The following RBFOX1 variants were observed in gnomAD, a reference collection of about 807,000 sequenced individuals.
The protein encoded by RBFOX1 is RNA binding fox-1 homolog 1, also known as RNA binding protein fox-1 homolog 1.
A neutral mutation model predicts 57.7 loss-of-function variants in RBFOX1; 8 were observed. The observed-to-expected ratio is 0.14, with a 90% CI of 0.08 to 0.25. The LOEUF (loss-of-function observed/expected upper bound fraction) is 0.25, where lower values mean the gene tolerates loss of function less well. Ranked by LOEUF, RBFOX1 falls within the 10% of genes least tolerant of loss-of-function variation. The pLI, the probability that RBFOX1 is intolerant of heterozygous loss-of-function variation, is 1.00. For missense variants in RBFOX1, 611 were observed against 548.5 expected, an observed-to-expected ratio of 1.11 and a Z score of -1.14; for synonymous variants, 326 against 222.4, an observed-to-expected ratio of 1.47 and a Z score of -4.15.
chr16:5,431,501 A>C (rs492714), intron 1 of RBFOX1, among the ~76,000 whole-genome samples: 81,691 of 151,270 alleles, frequency 0.54, 22,275 homozygotes, highest in East Asian at 0.67. Flanking sequence ...CAGACTCCTG[A>C]GTGGCTGGGA....
At chr16:7,529,473 G>C (rs1003734028) in intron 5 of RBFOX1, among the ~76,000 whole-genome samples, 1 of 152,164 alleles carries the variant, frequency 6.6e-6, no homozygotes, top group African/African-American at 2.4e-5. Flanking sequence ...CAAATTTCCT[G>C]TCCACAGGAT....
At chr16:6,321,497 G>C (rs1471718109) in intron 2 of RBFOX1, among the ~76,000 whole-genome samples, 1 of 152,140 alleles carries the variant, frequency 6.6e-6, no homozygotes, top group Non-Finnish European at 1.5e-5. Context: ...CCTTGATCCA[G>C]AACTAAAGGT....
chr16:6,572,261 TC>T (rs1398061659), intron 2 of RBFOX1, among the ~76,000 whole-genome samples: 1 of 152,228 alleles, frequency 6.6e-6, no homozygotes, highest in Non-Finnish European at 1.5e-5. Flanking sequence ...TGTATCAAAT[TC>T]TATAGGACAT....
chr16:6,806,478 C>T (rs1330457320), intron 3 of RBFOX1, among the ~76,000 whole-genome samples: 1 of 152,012 alleles, frequency 6.6e-6, no homozygotes, highest in African/African-American at 2.4e-5. Flanking sequence ...CAGAAAGTAT[C>T]TTTGCTGGGC....
At chr16:5,484,948 A>T (rs117390148) in intron 2 of RBFOX1, among the ~76,000 whole-genome samples, 490 of 151,528 alleles carry the variant, frequency 3.2e-3, no homozygotes, top group Non-Finnish European at 5.6e-3. Flanking sequence ...AGTCTCAGCT[A>T]CTTGGGAGTC....
intron 4 of RBFOX1, among the ~76,000 whole-genome samples, chr16:5,975,123 A>C (rs4786795): frequency 1.3e-5 from 2 of 152,038 alleles, no homozygotes; most frequent in African/African-American, 2.4e-5. Flanking sequence ...TTTGATGCCT[A>C]TGTTGTTTAG....
At chr16:6,580,171 C>G (rs1015355227) in intron 2 of RBFOX1, among the ~76,000 whole-genome samples, 5 of 152,100 alleles carry the variant, frequency 3.3e-5, no homozygotes, top group African/African-American at 1.2e-4. Flanking sequence ...GTCAGCCAGG[C>G]TGGTCTCGAA....
intron 4 of RBFOX1, among the ~76,000 whole-genome samples, chr16:7,269,911 A>G (rs2095275296): frequency 6.6e-6 from 1 of 152,214 alleles, no homozygotes. Context: ...TCTAGTCATT[A>G]CCAACATTAT....
intron 4 of RBFOX1, among the ~76,000 whole-genome samples, chr16:7,403,435 C>T (rs891767503): frequency 1.5e-4 from 23 of 152,138 alleles, no homozygotes; most frequent in Admixed American, 3.3e-4. Context: ...CTGTCTATTC[C>T]TACGAATTTG....
At chr16:7,261,681 C>G (rs2094925560) in intron 4 of RBFOX1, among the ~76,000 whole-genome samples, 1 of 152,134 alleles carries the variant, frequency 6.6e-6, no homozygotes, top group South Asian at 2.1e-4. Flanking sequence ...GGATGCCAGT[C>G]CAAGCATCCT....
intron 3 of RBFOX1, among the ~76,000 whole-genome samples, chr16:6,968,955 G>C (rs1598674056): frequency 6.6e-6 from 1 of 152,126 alleles, no homozygotes; most frequent in African/African-American, 2.4e-5. Flanking sequence ...CCAGATTAGT[G>C]GGTGCTCAGG....
intron 1 of RBFOX1, among the ~76,000 whole-genome samples, chr16:6,103,446 C>G (rs1048942904): frequency 2.0e-5 from 3 of 152,080 alleles, no homozygotes; most frequent in East Asian, 3.9e-4. Context: ...TTTATTATTA[C>G]TGTTGTTGTC....
At chr16:5,296,451 ATG>A (rs957576667) in intron 1 of RBFOX1, among the ~76,000 whole-genome samples, 1 of 152,126 alleles carries the variant, frequency 6.6e-6, no homozygotes, top group African/African-American at 2.4e-5. Flanking sequence ...ATTGAAAAGT[ATG>A]TGGATGTTCT....
chr16:7,271,106 G>C (rs1258472902), intron 4 of RBFOX1, among the ~76,000 whole-genome samples: 1 of 152,116 alleles, frequency 6.6e-6, no homozygotes, highest in Admixed American at 6.6e-5. Context: ...GTATCACATT[G>C]TGCACATTTT....
chr16:6,894,584 C>G (rs1428062838), intron 3 of RBFOX1, among the ~76,000 whole-genome samples: 1 of 152,136 alleles, frequency 6.6e-6, no homozygotes, highest in African/African-American at 2.4e-5. Context: ...AAACACTTGC[C>G]CCATTTGGGG....
intron 3 of RBFOX1, among the ~76,000 whole-genome samples, chr16:6,800,639 A>T (rs1342629229): frequency 6.6e-6 from 1 of 152,104 alleles, no homozygotes. Flanking sequence ...ATTCTTTGCA[A>T]TTACTTTTTT....
At chr16:6,913,887 T>C (rs921179243) in intron 3 of RBFOX1, among the ~76,000 whole-genome samples, 6 of 152,216 alleles carry the variant, frequency 3.9e-5, no homozygotes, top group Non-Finnish European at 1.5e-5. Flanking sequence ...GGTGCCAGTC[T>C]CAACTGTGTA....
chr16:7,505,406 C>T (rs953331785), intron 4 of RBFOX1, among the ~76,000 whole-genome samples: 2 of 152,194 alleles, frequency 1.3e-5, no homozygotes, highest in Non-Finnish European at 2.9e-5. Flanking sequence ...GAAACTCCAT[C>T]TTCCTAAGTG....
At chr16:6,994,437 C>T (rs1489254317) in intron 3 of RBFOX1, among the ~76,000 whole-genome samples, 2 of 152,086 alleles carry the variant, frequency 1.3e-5, no homozygotes, top group Non-Finnish European at 2.9e-5. Context: ...GTAAAAACCA[C>T]CCCCAGCTCT....
Sources: gnomAD v4.1 joint callset for allele counts (sites outside exome capture counted in the v4.1 genomes callset) on GRCh38, gnomAD v4.1.1 for gene constraint, MANE v1.5 for transcripts, NCBI Gene and HGNC (gene_info 2026-07-23, HGNC 2026-07-21) for gene names.